Variants in BORCS5 observed in about 807,000 individuals in gnomAD.
The protein encoded by BORCS5 is BLOC-1-related complex subunit 5.
Under a neutral mutation model 22.1 loss-of-function variants are expected in BORCS5, and 17 were observed. That is an observed-to-expected ratio of 0.77 (90% CI 0.53 to 1.15). The LOEUF (loss-of-function observed/expected upper bound fraction) is 1.15. Among genes scored for constraint, BORCS5 ranks in the 50% most tolerant of loss-of-function variants. The probability of loss-of-function intolerance (pLI) is 0.00; values close to 1 mark genes in which losing one functional copy is unlikely to be tolerated. For synonymous variants in BORCS5, 117 were observed against 99.8 expected, an observed-to-expected ratio of 1.17 and a Z score of -1.03; for missense variants, 247 against 253.2, an observed-to-expected ratio of 0.98 and a Z score of 0.17.
intron 3 of BORCS5, among the ~76,000 whole-genome samples, chr12:12,449,836 G>A (rs955709140): frequency 6.6e-6 from 1 of 152,102 alleles, no homozygotes; most frequent in African/African-American, 2.4e-5. Flanking sequence ...AAGGAGCCGG[G>A]GAAGGTTTAC....
At chr12:12,381,720 T>A (rs1364235847) in intron 2 of BORCS5, among the ~76,000 whole-genome samples, 1 of 151,570 alleles carries the variant, frequency 6.6e-6, no homozygotes, top group Non-Finnish European at 1.5e-5. Flanking sequence ...GTGAAAGGTA[T>A]AAACCATATG....
At chr12:12,407,279 C>T (rs893102471) in intron 2 of BORCS5, among the ~76,000 whole-genome samples, 1 of 152,058 alleles carries the variant, frequency 6.6e-6, no homozygotes, top group East Asian at 1.9e-4. Context: ...TCAGAGTTTA[C>T]ATTTGGAAGA....
At chr12:12,359,708 C>T (rs779129638) in intron 1 of BORCS5, among the ~76,000 whole-genome samples, 20 of 150,938 alleles carry the variant, frequency 1.3e-4, no homozygotes, top group Non-Finnish European at 1.6e-4. Context: ...GCTGAAGCCT[C>T]GGGAATAGGC....
chr12:12,388,572 A>ACCGTGCCCAGTGGGAGATTAATT (rs1565856257), intron 2 of BORCS5, among the ~76,000 whole-genome samples: 2 of 151,182 alleles, frequency 1.3e-5, no homozygotes, highest in Admixed American at 6.6e-5. Flanking sequence ...TAATGAAACA[A>ACCGTGCCCAGTGGGAGATTAATT]TTGTGTTAGT....
Position 12,357,117 on chromosome 12 carries a change from C to T in BORCS5, c.-335C>T, listed in dbSNP as rs1435024203. 7 of 1,534,530 alleles carry T rather than the reference C, an allele frequency of 4.6e-6. No homozygotes were observed. The highest frequency in any genetic ancestry group is 1.7e-4 in the Middle Eastern group (1 of 5,932). On this transcript the variant is annotated 5_prime_UTR_variant, in exon 1 of 4. Coordinates refer to ENST00000314565, the MANE Select transcript of BORCS5 (RefSeq NM_058169.6). ...AGGAGCGAGCTTGCGGAGCGTGAAC[C>T]AGTGAGTGAAAGCGGCGCCGCCCGC...
intron 3 of BORCS5, among the ~76,000 whole-genome samples, chr12:12,442,429 C>T (rs1942703999): frequency 6.6e-6 from 1 of 152,166 alleles, no homozygotes; most frequent in Non-Finnish European, 1.5e-5. Context: ...AGAGTACATT[C>T]ATGATATGAT....
chr12:12,439,547 G>C (rs561220299), intron 3 of BORCS5, among the ~76,000 whole-genome samples: 13 of 152,058 alleles, frequency 8.5e-5, no homozygotes, highest in African/African-American at 3.1e-4. Flanking sequence ...AAGATGGTTT[G>C]AGCTCAGGAG....
At chr12:12,369,143 TTATTA>T (rs984446351) in intron 2 of BORCS5, among the ~76,000 whole-genome samples, 13 of 152,198 alleles carry the variant, frequency 8.5e-5, no homozygotes, top group African/African-American at 2.9e-4. Flanking sequence ...GCATTAAATA[TTATTA>T]TATTGATCCT....
In BORCS5 at chr12:12,423,158, C is replaced by T. The variant is rs1196171610; in HGVS notation, c.203-12470C>T. Among the ~76,000 whole-genome samples, 12 of 151,992 alleles carry T rather than the reference C, an allele frequency of 7.9e-5. 1 individual carries two copies. Among genetic ancestry groups the T allele is most frequent in the East Asian group, 1.9e-4 (1 of 5,192 alleles). On this transcript the variant is annotated intron_variant, in intron 2 of 3. Coordinates refer to ENST00000314565, the MANE Select transcript of BORCS5 (RefSeq NM_058169.6). The stretch of plus-strand genomic sequence containing the variant: ...CTGGGACTAAAGGCGCCCGCCACCA[C>T]GCCTGGCTAATTTTTTTGTATTTTT...
intron 2 of BORCS5, among the ~76,000 whole-genome samples, chr12:12,381,051 G>A (rs1329156717): frequency 9.5e-5 from 13 of 137,010 alleles, no homozygotes; most frequent in Non-Finnish European, 1.7e-4. Context: ...TCACTCTGTC[G>A]CCCAGGCTGG....
chr12:12,435,322 C>A (rs998054108), intron 2 of BORCS5, among the ~76,000 whole-genome samples: 1 of 152,180 alleles, frequency 6.6e-6, no homozygotes, highest in African/African-American at 2.4e-5. Flanking sequence ...AGCTATGTGA[C>A]GTTTGGAAAG....
intron 2 of BORCS5, among the ~76,000 whole-genome samples, chr12:12,361,715 A>C (rs1863290777): frequency 6.6e-6 from 1 of 152,226 alleles, no homozygotes; most frequent in African/African-American, 2.4e-5. Context: ...ATGAGGTTGG[A>C]AATGGCCCTT....
chr12:12,357,346 T>C lies in BORCS5; in HGVS notation c.-106T>C. ...ATTAGCCTCGCTGCGGCGCCCAGAC[T>C]CTGCTTTGCCTCCCCGTCCCGGTCC... On this transcript the variant is annotated 5_prime_UTR_variant, in exon 1 of 4. Transcript: ENST00000314565. 6.7e-7 allele frequency: 1 copy of C among 1,495,484 alleles called. No homozygotes were observed. Among genetic ancestry groups the C allele is most frequent in the Non-Finnish European group, 9.0e-7 (1 of 1,115,994 alleles). 92.6% of individuals were successfully genotyped at this position (1,495,484 alleles called of 1,614,324 possible).
At chr12:12,430,150 A>ATTTTTTTTTTTTTTT (rs1565905968) in intron 2 of BORCS5, among the ~76,000 whole-genome samples, 41 of 74,396 alleles carry the variant, frequency 5.5e-4, no homozygotes, top group African/African-American at 2.9e-3. Flanking sequence ...CCTTAGAGAA[A>ATTTTTTTTTTTTTTT]ATTTTTTTTT....
chr12:12,459,608 C>G (rs1943065914), intron 3 of BORCS5, among the ~76,000 whole-genome samples: 1 of 152,218 alleles, frequency 6.6e-6, no homozygotes, highest in African/African-American at 2.4e-5. Flanking sequence ...CTGAGTCCAG[C>G]CAAGGTAGCA....
chr12:12,395,497 G>C (rs974461293), intron 2 of BORCS5, among the ~76,000 whole-genome samples: 40 of 146,262 alleles, frequency 2.7e-4, no homozygotes, highest in African/African-American at 1.0e-3. Context: ...ATGTTGGCCA[G>C]GCTGATCTCG....
In BORCS5 at chr12:12,357,502, C is replaced by T; in HGVS notation, c.51C>T (p.Asn17=). 6.2e-7 allele frequency: 1 copy of T among 1,609,190 alleles called. No homozygotes were observed. Among genetic ancestry groups the T allele is most frequent in the Non-Finnish European group, 8.5e-7 (1 of 1,175,998 alleles). Reference sequence around the variant, plus strand: ...CCGAGAGCCGACCCAACGATCTGAACTCCTCAGGTCGGTGTCCTAACCTCC... The same window carrying T: ...CCGAGAGCCGACCCAACGATCTGAATTCCTCAGGTCGGTGTCCTAACCTCC... ...SEAESRPNDL[N]SSVTPSPAKH... is the part of the protein sequence containing the mutation. The change falls in exon 1 of 4, where the codon AAC becomes AAT. Residue 17 remains asparagine (N), a synonymous_variant. Transcript: ENST00000314565.
Position 12,446,868 on chromosome 12 carries a change from C to T in BORCS5, c.360+11083C>T, listed in dbSNP as rs140864856. On this transcript the variant is annotated intron_variant, in intron 3 of 3. Transcript: ENST00000314565. Reference sequence around the variant, plus strand: ...GCATAATGAATGTGGAAGGACTCTGCAGGACCATACGGAGCTATGTAAAAG... The same window carrying T: ...GCATAATGAATGTGGAAGGACTCTGTAGGACCATACGGAGCTATGTAAAAG... Among the ~76,000 whole-genome samples, 3 of 152,300 alleles carry T rather than the reference C, an allele frequency of 2.0e-5. No individual in the cohort carries two copies. The East Asian group carries it at 5.8e-4, about 29-fold the overall frequency.
At chr12:12,393,430 C>T (rs922257422) in intron 2 of BORCS5, among the ~76,000 whole-genome samples, 1 of 151,960 alleles carries the variant, frequency 6.6e-6, no homozygotes, top group East Asian at 1.9e-4. Context: ...CACTGAATTG[C>T]TGTTGAGCCA....
Sources: gnomAD v4.1 joint callset for allele counts (sites outside exome capture counted in the v4.1 genomes callset) on GRCh38, gnomAD v4.1.1 for gene constraint, MANE v1.5 for transcripts, NCBI Gene and HGNC (gene_info 2026-07-23, HGNC 2026-07-21) for gene names.